SPAG1: variants seen among roughly 807,000 people sequenced by gnomAD.
SPAG1 encodes the protein sperm associated antigen 1.
SPAG1 carries 69 observed loss-of-function variants against 100.5 expected under a neutral mutation model. That is an observed-to-expected ratio of 0.69 (90% CI 0.57 to 0.84). The LOEUF is 0.84. Among genes scored for constraint, SPAG1 ranks in the 40% least tolerant of loss-of-function variants. The pLI, the probability that SPAG1 is intolerant of heterozygous loss-of-function variation, is 0.00. For missense variants in SPAG1, 955 were observed against 1,133.1 expected (o/e 0.84, Z 2.26); for synonymous variants, 336 against 411.6 (o/e 0.82, Z 2.22).
In SPAG1 at chr8:100,191,316, T is replaced by C. The variant is rs560362854; in HGVS notation, c.833-74T>C. On this transcript the variant is annotated intron_variant, in intron 8 of 18. Coordinates refer to ENST00000388798, the MANE Select transcript of SPAG1 (RefSeq NM_003114.5). Reference sequence around the variant, plus strand: ...AAAGTATTCTGTGCTGCTCATATCTTCCACTTGCCAAATATGTTGTAACCA... The same window carrying C: ...AAAGTATTCTGTGCTGCTCATATCTCCCACTTGCCAAATATGTTGTAACCA... 3.1e-5 allele frequency: 31 copies of C among 1,003,610 alleles called. No homozygotes were observed. In the African/African-American group the frequency reaches 3.9e-4, roughly 13 times the overall value. 62.2% of individuals were successfully genotyped at this position (1,003,610 alleles called of 1,614,324 possible).
chr8:100,229,425 AAAAAC>A (rs1206867553), intron 14 of SPAG1, among the ~76,000 whole-genome samples: 6 of 151,908 alleles, frequency 3.9e-5, no homozygotes, highest in Admixed American at 1.3e-4. Flanking sequence ...CTCCGTCTCA[AAAAAC>A]AAAACAAAAC....
Position 100,187,238 on chromosome 8 carries a change from G to T in SPAG1, c.820G>T (p.Gly274Ter). The change falls in exon 8 of 19, where the codon GGA becomes TGA. Residue 274 changes from glycine (G) to a stop codon, truncating the protein, a stop_gained. Transcript: ENST00000388798. LOFTEE classifies it high-confidence loss of function. ...DCEKVLELEP[G>*]NVKALLRRAT... ...TGAAAAGGTCTTGGAGTTAGAACCTGGAAACGTAAAGGGTAAAAAATATTA... is the reference window on the plus strand; with the variant it reads ...TGAAAAGGTCTTGGAGTTAGAACCTTGAAACGTAAAGGGTAAAAAATATTA... 1 of 1,606,212 alleles carries T rather than the reference G, an allele frequency of 6.2e-7. No homozygotes were observed. Among genetic ancestry groups the T allele is most frequent in the East Asian group, 2.2e-5 (1 of 44,606 alleles).
At chr8:100,197,697 C>T (rs533339348) in intron 10 of SPAG1, among the ~76,000 whole-genome samples, 4 of 152,200 alleles carry the variant, frequency 2.6e-5, no homozygotes, top group Non-Finnish European at 5.9e-5. Context: ...AAAAAGGCAG[C>T]AATTTGTGTT....
chr8:100,184,502 T>C, intron 6 of SPAG1, 126 bp from the exon 7 acceptor site: 1 of 507,794 alleles, frequency 2.0e-6, no homozygotes, highest in Non-Finnish European at 3.3e-6. Context: ...CCTTTTATTT[T>C]CTTTTGTTTA....
At chr8:100,221,213 A>G (rs988224565) in intron 13 of SPAG1, among the ~76,000 whole-genome samples, 4 of 152,248 alleles carry the variant, frequency 2.6e-5, no homozygotes, top group Non-Finnish European at 5.9e-5. Flanking sequence ...CTGTCAGTGG[A>G]AACATATCTC....
intron 12 of SPAG1, among the ~76,000 whole-genome samples, chr8:100,216,757 A>C (rs1586507318): frequency 6.6e-6 from 1 of 152,118 alleles, no homozygotes; most frequent in East Asian, 1.9e-4. Flanking sequence ...AGTGATTCTC[A>C]ATCTTGTTTT....
At chr8:100,162,763 A>C (rs1815370154) in intron 2 of SPAG1, among the ~76,000 whole-genome samples, 1 of 152,134 alleles carries the variant, frequency 6.6e-6, no homozygotes, top group Non-Finnish European at 1.5e-5. Flanking sequence ...GGATCATTTG[A>C]GCTCAGGAGT....
rs144327310 is a variant in SPAG1 at position 100,240,755 on chromosome 8, A to C, written c.2633A>C (p.Lys878Thr). Residue 878 changes from lysine to threonine, a missense_variant, in exon 18 of 19, where the codon AAA becomes ACA. Coordinates refer to ENST00000388798, the MANE Select transcript of SPAG1 (RefSeq NM_003114.5). ...LVYQHLLYLS[K>T]AERFKMMLTL... ...TATCAGCATCTTTTATACCTGAGTA[A>C]AGCAGAAAGGTTTAAGGTAAGTGGC... 142 of 1,600,188 alleles carry C rather than the reference A, an allele frequency of 8.9e-5. No individual in the cohort carries two copies. Among genetic ancestry groups the C allele is most frequent in the Non-Finnish European group, 1.1e-4 (134 of 1,175,126 alleles).
intron 15 of SPAG1, among the ~76,000 whole-genome samples, chr8:100,232,535 G>T (rs1025111452): frequency 6.6e-6 from 1 of 152,094 alleles, no homozygotes; most frequent in South Asian, 2.1e-4. Flanking sequence ...AAGCTCAGAT[G>T]CTCCTACCTT....
In SPAG1 at chr8:100,239,555, C is replaced by T. The variant is rs1433211767; in HGVS notation, c.2280+151C>T. ...AATTTTAACCAGCAACAAAATGTCTCCTTTGCAATGATAATTAGCCATTGT... is the reference window on the plus strand; with the variant it reads ...AATTTTAACCAGCAACAAAATGTCTTCTTTGCAATGATAATTAGCCATTGT... On this transcript the variant is annotated intron_variant, in intron 17 of 18. Transcript: ENST00000388798. The surrounding 1 kb of genome is among the most constrained non-coding windows in gnomAD (Gnocchi z 5.0). The T allele has an allele frequency of 6.4e-6, 4 of 626,534 alleles. No individual in the cohort carries two copies. Among genetic ancestry groups the T allele is most frequent in the Non-Finnish European group, 1.1e-5 (4 of 352,620 alleles). The allele number at this position is 626,534 out of a possible 1,614,324, so 38.8% of individuals were successfully genotyped here.
chr8:100,206,017 C>CAAA lies in SPAG1; in HGVS notation c.1097-7037_1097-7035dup, dbSNP rs574907013. ...CTGGCGACAGAGTGAGACTCTGTCTCAAAAAAAAAAAAAAAAAAAAAAAAA... is the reference window on the plus strand; with the variant it reads ...CTGGCGACAGAGTGAGACTCTGTCTCAAAAAAAAAAAAAAAAAAAAAAAAAAAA... On this transcript the variant is annotated intron_variant, in intron 10 of 18. Coordinates refer to ENST00000388798, the MANE Select transcript of SPAG1 (RefSeq NM_003114.5). Among the ~76,000 whole-genome samples, 57 of 77,346 alleles carry CAAA rather than the reference C, an allele frequency of 7.4e-4. 5 individuals are homozygous for CAAA. Among genetic ancestry groups the CAAA allele is most frequent in the Non-Finnish European group, 1.2e-3 (47 of 39,384 alleles). The allele number at this position is 77,346 out of a possible 152,430, so 50.7% of individuals were successfully genotyped here. A position where few individuals can be genotyped will look rare whatever the true frequency, so the allele number is the denominator to read the frequency against.
At chr8:100,169,450 A>G (rs1408445808) in intron 3 of SPAG1, among the ~76,000 whole-genome samples, 1 of 152,190 alleles carries the variant, frequency 6.6e-6, no homozygotes, top group Non-Finnish European at 1.5e-5. Flanking sequence ...TTTTTAAAAA[A>G]TCAACTGGGC....
At chr8:100,166,322 G>C (rs577422324) in intron 3 of SPAG1, among the ~76,000 whole-genome samples, 29 of 151,736 alleles carry the variant, frequency 1.9e-4, no homozygotes, top group African/African-American at 6.5e-4. Flanking sequence ...GCAGTGGCAC[G>C]ATCTTGGCTC....
rs776722678 is a variant in SPAG1 at position 100,194,187 on chromosome 8, A to T, written c.1015A>T (p.Met339Leu). The T allele has an allele frequency of 5.6e-6, 9 of 1,611,900 alleles. No individual in the cohort carries two copies. Among genetic ancestry groups the T allele is most frequent in the South Asian group, 3.3e-5 (3 of 90,434 alleles). ...TGAGACTCAAACCAAAGGGAAAAGG[A>T]TGGTTATTCAGGAAATAGAAAACTC... Reference protein sequence around the residue: ...ASETQTKGKRMVIQEIENSED... With the variant: ...ASETQTKGKRLVIQEIENSED... The change falls in exon 10 of 19, where the codon ATG becomes TTG. Residue 339 changes from methionine (M) to leucine (L), a missense_variant. By Grantham distance (15) the Met-to-Leu change is conservative. Transcript: ENST00000388798.
chr8:100,201,975 C>A (rs1817295144), intron 10 of SPAG1, among the ~76,000 whole-genome samples: 1 of 152,142 alleles, frequency 6.6e-6, no homozygotes, highest in South Asian at 2.1e-4. Context: ...GTCATGGGAA[C>A]CCTAACTTGA....
At chr8:100,184,154 T>G (rs1586428453) in intron 6 of SPAG1, 92 bp downstream of exon 6, 3 of 517,746 alleles carry the variant, frequency 5.8e-6, no homozygotes, top group East Asian at 3.5e-5. Flanking sequence ...CTTTGAGTAC[T>G]GCACAGATTA....
chr8:100,233,667 A>G, intron 16 of SPAG1, 130 bp downstream of exon 16: 1 of 886,246 alleles, frequency 1.1e-6, no homozygotes, highest in East Asian at 2.9e-5. Flanking sequence ...AACTGTACTA[A>G]CCAGTTCTAA....
Position 100,175,885 on chromosome 8 carries a change from A to G in SPAG1, c.301-1931A>G, listed in dbSNP as rs190210768. Among the ~76,000 whole-genome samples, 490 of 152,322 alleles carry G rather than the reference A, an allele frequency of 3.2e-3. 5 individuals carry two copies. The highest frequency in any genetic ancestry group is 0.011 in the African/African-American group (446 of 41,576). ...GCCAAAAGACTGGCAGCTGATATCT[A>G]TCTTTTCCCCTCAAGGCTTGAGGGT... is the stretch of plus-strand genomic sequence containing the variant. On this transcript the variant is annotated intron_variant, in intron 3 of 18. Coordinates refer to ENST00000388798, the MANE Select transcript of SPAG1 (RefSeq NM_003114.5).
chr8:100,182,660 C>G (rs1317722197), intron 4 of SPAG1, among the ~76,000 whole-genome samples: 1 of 152,126 alleles, frequency 6.6e-6, no homozygotes, highest in African/African-American at 2.4e-5. Context: ...TATTCCAAAT[C>G]AGATTACTAT....
Sources: gnomAD v4.1 joint callset for allele counts (sites outside exome capture counted in the v4.1 genomes callset) on GRCh38, gnomAD v4.1.1 for gene constraint, Gnocchi (gnomAD v3.1) non-coding constraint, MANE v1.5 for transcripts, NCBI Gene and HGNC (gene_info 2026-07-23, HGNC 2026-07-21) for gene names.